The following AKAP12 variants were observed in gnomAD, a reference collection of about 807,000 sequenced individuals.
The protein encoded by AKAP12 is A-kinase anchor protein 12.
In AKAP12, 32 loss-of-function variants were observed where a neutral mutation model predicts 79.9. The observed-to-expected ratio is 0.40, with a 90% CI of 0.30 to 0.54. The LOEUF is 0.54. AKAP12 is among the 20% of genes least tolerant of loss of function. The probability of loss-of-function intolerance (pLI) is 0.48; values close to 1 mark genes in which losing one functional copy is unlikely to be tolerated. For synonymous variants in AKAP12, 808 were observed against 857.0 expected (o/e 0.94, Z 1.00); for missense variants, 2,074 against 2,177.0 (o/e 0.95, Z 0.94).
At chr6:151,245,756 T>TA (rs986064103) in intron 2 of AKAP12, among the ~76,000 whole-genome samples, 9 of 152,098 alleles carry the variant, frequency 5.9e-5, no homozygotes, top group Admixed American at 2.0e-4. Context: ...GTTTATTTTT[T>TA]AAAAAAATTA....
intron 3 of AKAP12, among the ~76,000 whole-genome samples, chr6:151,347,128 A>G (rs943962835): frequency 6.6e-6 from 1 of 152,198 alleles, no homozygotes; most frequent in Admixed American, 6.5e-5. Context: ...ATTCTTTTCT[A>G]TGCTTCAAAG....
At chr6:151,281,920 A>T (rs1322959737) in intron 2 of AKAP12, among the ~76,000 whole-genome samples, 1 of 151,954 alleles carries the variant, frequency 6.6e-6, no homozygotes, top group Non-Finnish European at 1.5e-5. Context: ...AGCTTGTCAA[A>T]CACCTGGCTT....
intron 3 of AKAP12, among the ~76,000 whole-genome samples, chr6:151,329,347 C>T (rs1777612202): frequency 6.6e-6 from 1 of 152,136 alleles, no homozygotes; most frequent in Non-Finnish European, 1.5e-5. Context: ...AACTCCTGAC[C>T]TCAGGTGATC....
chr6:151,292,532 C>T (rs1776643787), intron 2 of AKAP12, among the ~76,000 whole-genome samples: 1 of 152,206 alleles, frequency 6.6e-6, no homozygotes, highest in Non-Finnish European at 1.5e-5. Context: ...CCTCTGGATC[C>T]AGGGGTTCCC....
At chr6:151,296,185 C>T (rs9322313) in intron 2 of AKAP12, among the ~76,000 whole-genome samples, 59,886 of 151,982 alleles carry the variant, frequency 0.39, 12,223 homozygotes, top group Middle Eastern at 0.54. Flanking sequence ...GCTCTGGAGG[C>T]CAATTTCTCA....
At chr6:151,288,211 TTA>T (rs1776544847) in intron 2 of AKAP12, among the ~76,000 whole-genome samples, 1 of 125,610 alleles carries the variant, frequency 8.0e-6, no homozygotes. Flanking sequence ...CTTAAAGTAT[TTA>T]AAAAAAAAAA....
In AKAP12 at chr6:151,352,745, G is replaced by T. The variant is rs1247530416; in HGVS notation, c.4354G>T (p.Val1452Phe). The change falls in exon 4 of 5, where the codon GTT becomes TTT. Residue 1452 changes from valine to phenylalanine, a missense_variant. Physicochemically the swap from Val to Phe is conservative, Grantham distance 50. Transcript: ENST00000402676. ...GTTGGAGCCTGCAGGTGCACATTTA[G>T]TTCTGGAAGAGAAATCCTCTGAAAA... Reference protein sequence around the residue: ...ETLEPAGAHLVLEEKSSEKNE... With the variant: ...ETLEPAGAHLFLEEKSSEKNE... 6.2e-7 allele frequency: 1 copy of T among 1,614,100 alleles called. No homozygotes were observed. The highest frequency in any genetic ancestry group is 8.5e-7 in the Non-Finnish European group (1 of 1,180,046).
At chr6:151,249,430 T>C (rs1324425942) in intron 2 of AKAP12, among the ~76,000 whole-genome samples, 3 of 152,238 alleles carry the variant, frequency 2.0e-5, no homozygotes, top group African/African-American at 7.2e-5. Context: ...TCCTCTTGCC[T>C]TGGCCTCCCA....
Position 151,240,444 on chromosome 6 carries a change from G to A in AKAP12, c.-119G>A, listed in dbSNP as rs1582825090. On this transcript the variant is annotated 5_prime_UTR_variant, in exon 2 of 5. Transcript: ENST00000402676. Reference sequence around the variant, plus strand: ...CTGGGCGCGTTCGCAGTCGGCTGGCGGCGAAGGAAGGCGCTCTCGGGACCT... The same window carrying A: ...CTGGGCGCGTTCGCAGTCGGCTGGCAGCGAAGGAAGGCGCTCTCGGGACCT... The A allele has an allele frequency of 4.4e-6, 5 of 1,140,048 alleles. No individual in the cohort carries two copies. The highest frequency in any genetic ancestry group is 3.3e-4 in the Middle Eastern group (1 of 3,026). The allele number at this position is 1,140,048 out of a possible 1,614,324, so 70.6% of individuals were successfully genotyped here. A position where few individuals can be genotyped will look rare whatever the true frequency, so the allele number is the denominator to read the frequency against.
intron 2 of AKAP12, among the ~76,000 whole-genome samples, chr6:151,255,703 T>C (rs1797279545): frequency 6.6e-6 from 1 of 152,036 alleles, no homozygotes; most frequent in Admixed American, 6.6e-5. Flanking sequence ...GGTGGGAGGA[T>C]TGCTTGAGCC....
intron 3 of AKAP12, among the ~76,000 whole-genome samples, chr6:151,347,928 T>C (rs141131516): frequency 1.1e-3 from 174 of 151,864 alleles, no homozygotes; most frequent in African/African-American, 4.1e-3. Context: ...TCCCAGCACT[T>C]TGGGAGGCAG....
chr6:151,301,937 C>G (rs1776870282), intron 2 of AKAP12, among the ~76,000 whole-genome samples: 1 of 151,956 alleles, frequency 6.6e-6, no homozygotes, highest in Admixed American at 6.6e-5. Context: ...GGATGTGTAG[C>G]ATTTGACCTC....
chr6:151,312,602 T>C (rs1296763809), intron 3 of AKAP12, among the ~76,000 whole-genome samples: 1 of 152,144 alleles, frequency 6.6e-6, no homozygotes, highest in East Asian at 1.9e-4. Context: ...CCATCCAGGC[T>C]AACACGGTGA....
At chr6:151,240,831 C>A in intron 2 of AKAP12, 107 bp downstream of exon 2, 1 of 977,282 alleles carries the variant, frequency 1.0e-6, no homozygotes, top group Non-Finnish European at 1.3e-6. Context: ...CCCAGCCCAT[C>A]CAGCCGCATC....
At chr6:151,282,973 G>A (rs1320665048) in intron 2 of AKAP12, among the ~76,000 whole-genome samples, 3 of 152,150 alleles carry the variant, frequency 2.0e-5, no homozygotes, top group Admixed American at 1.3e-4. Flanking sequence ...CTCATGTTAT[G>A]AAAAAATTTA....
chr6:151,335,801 A>G (rs1172151600), intron 3 of AKAP12, among the ~76,000 whole-genome samples: 1 of 152,114 alleles, frequency 6.6e-6, no homozygotes, highest in Non-Finnish European at 1.5e-5. Context: ...TTCAGGGGAT[A>G]CATATATAGG....
In AKAP12 at chr6:151,325,843, A is replaced by G. The variant is rs377621192; in HGVS notation, c.319+19940A>G. 29 of 1,614,014 alleles carry G rather than the reference A, an allele frequency of 1.8e-5. No homozygotes were observed. The African/African-American group carries it at 1.9e-4, about 10-fold the overall frequency. ...GACCCGCTAAGCTGATCTCCTGTACAGTAGTGCTACTTAAAATATGCTGGG... is the reference window on the plus strand; with the variant it reads ...GACCCGCTAAGCTGATCTCCTGTACGGTAGTGCTACTTAAAATATGCTGGG... On this transcript the variant is annotated intron_variant, in intron 3 of 4. Transcript: ENST00000402676.
At chr6:151,316,468 A>C (rs1282488028) in intron 3 of AKAP12, among the ~76,000 whole-genome samples, 1 of 152,184 alleles carries the variant, frequency 6.6e-6, no homozygotes, top group Non-Finnish European at 1.5e-5. Context: ...TTATTTTCTC[A>C]CAGTTCTGGA....
At chr6:151,271,214 G>GT (rs1407737543) in intron 2 of AKAP12, among the ~76,000 whole-genome samples, 1 of 151,938 alleles carries the variant, frequency 6.6e-6, no homozygotes, top group Non-Finnish European at 1.5e-5. Flanking sequence ...CTTTTTTAGA[G>GT]TAAGTTTTAG....
Sources: allele counts gnomAD v4.1 joint callset (sites outside exome capture counted in the v4.1 genomes callset), GRCh38; gene constraint gnomAD v4.1.1; transcripts MANE v1.5; gene names NCBI Gene and HGNC (gene_info 2026-07-23, HGNC 2026-07-21).